The following ROBO1 variants were observed in gnomAD, a reference collection of about 807,000 sequenced individuals.
ROBO1 encodes the protein roundabout guidance receptor 1.
Under a neutral mutation model 195.9 loss-of-function variants are expected in ROBO1, and 149 were observed. The observed-to-expected ratio is 0.76, with a 90% CI of 0.67 to 0.87. ROBO1 has a LOEUF of 0.87. ROBO1 is among the 40% of genes least tolerant of loss of function. The pLI is 0.00. For missense variants in ROBO1, 1,933 were observed against 2,068.3 expected, an observed-to-expected ratio of 0.93 and a Z score of 1.27; for synonymous variants, 816 against 733.2, an observed-to-expected ratio of 1.11 and a Z score of -1.82.
Position 79,062,092 on chromosome 3 carries a change from A to G in ROBO1, c.172+63364T>C, listed in dbSNP as rs141176437. ...TACAGGATGGGAAAAAATTTTTGCA[A>G]TCTACCCATCTCACAAAGGGCTAAT... On this transcript the variant is annotated intron_variant, in intron 3 of 30. Coordinates refer to ENST00000464233, the MANE Select transcript of ROBO1 (RefSeq NM_002941.4). Among the ~76,000 whole-genome samples, 1,233 of 152,238 alleles carry G rather than the reference A, an allele frequency of 8.1e-3. 8 individuals are homozygous for G. Among genetic ancestry groups the G allele is most frequent in the Middle Eastern group, 0.024 (7 of 294 alleles).
chr3:78,738,025 G>T (rs2082432685), intron 5 of ROBO1, among the ~76,000 whole-genome samples: 1 of 152,090 alleles, frequency 6.6e-6, no homozygotes, highest in Admixed American at 6.6e-5. Flanking sequence ...GGGGAGAGGA[G>T]GGGAAGAGGA....
intron 3 of ROBO1, among the ~76,000 whole-genome samples, chr3:78,948,257 A>T (rs1158555743): frequency 6.6e-6 from 1 of 152,196 alleles, no homozygotes; most frequent in Non-Finnish European, 1.5e-5. Flanking sequence ...TTGATGCAAA[A>T]ATCCTCAATA....
At chr3:79,202,671 GCATGGCC>G (rs2108782253) in intron 2 of ROBO1, among the ~76,000 whole-genome samples, 1 of 150,964 alleles carries the variant, frequency 6.6e-6, no homozygotes, top group East Asian at 2.0e-4. Context: ...ACAGGTACCA[GCATGGCC>G]CATATGCTTT....
chr3:78,812,444 T>C (rs144548633), intron 4 of ROBO1, among the ~76,000 whole-genome samples: 2 of 152,248 alleles, frequency 1.3e-5, no homozygotes, highest in East Asian at 3.9e-4. Flanking sequence ...TTTTGGATAA[T>C]GGATACCTAC....
At chr3:78,909,524 A>G (rs1056955692) in intron 4 of ROBO1, among the ~76,000 whole-genome samples, 9 of 151,848 alleles carry the variant, frequency 5.9e-5, no homozygotes, top group African/African-American at 1.9e-4. Flanking sequence ...TTTCAAGCAT[A>G]ACAAGCATCT....
At chr3:79,230,608 AT>A (rs2082300982) in intron 2 of ROBO1, among the ~76,000 whole-genome samples, 1 of 152,188 alleles carries the variant, frequency 6.6e-6, no homozygotes, top group Admixed American at 6.6e-5. Context: ...AAAATCAAAG[AT>A]GACACAAATG....
chr3:78,920,002 T>G (rs1277134188), intron 4 of ROBO1, among the ~76,000 whole-genome samples: 1 of 152,238 alleles, frequency 6.6e-6, no homozygotes, highest in Non-Finnish European at 1.5e-5. Flanking sequence ...GAATTAAATG[T>G]AAAACAATCC....
At chr3:79,163,252 A>T (rs1014975067) in intron 2 of ROBO1, among the ~76,000 whole-genome samples, 1 of 151,954 alleles carries the variant, frequency 6.6e-6, no homozygotes, top group Non-Finnish European at 1.5e-5. Flanking sequence ...CTACCTACCT[A>T]TCTCATGTAA....
chr3:79,027,523 A>G (rs1217743777), intron 3 of ROBO1, among the ~76,000 whole-genome samples: 1 of 152,060 alleles, frequency 6.6e-6, no homozygotes, highest in African/African-American at 2.4e-5. Context: ...CTAAATACGG[A>G]AGGGCTCAGT....
chr3:79,736,454 G>T (rs1015760309), intron 1 of ROBO1, among the ~76,000 whole-genome samples: 5 of 152,140 alleles, frequency 3.3e-5, no homozygotes, highest in Admixed American at 1.3e-4. Context: ...TCTATGAGGA[G>T]AATTGACTAT....
At chr3:79,441,873 C>T (rs1370490502) in intron 2 of ROBO1, among the ~76,000 whole-genome samples, 2 of 152,134 alleles carry the variant, frequency 1.3e-5, no homozygotes, top group South Asian at 2.1e-4. Flanking sequence ...ACCTTATAAC[C>T]ACAACATAAA....
At chr3:78,912,932 AT>A (rs2038333645) in intron 4 of ROBO1, among the ~76,000 whole-genome samples, 1 of 152,056 alleles carries the variant, frequency 6.6e-6, no homozygotes, top group African/African-American at 2.4e-5. Flanking sequence ...TGAACGTCCA[AT>A]TTTCTCCTCC....
chr3:79,378,914 T>C (rs1184498468), intron 2 of ROBO1, among the ~76,000 whole-genome samples: 1 of 152,228 alleles, frequency 6.6e-6, no homozygotes, highest in Non-Finnish European at 1.5e-5. Flanking sequence ...CAAATCGCCC[T>C]GGAGCTTCAC....
At chr3:78,902,325 T>A (rs961570865) in intron 4 of ROBO1, among the ~76,000 whole-genome samples, 3 of 152,174 alleles carry the variant, frequency 2.0e-5, no homozygotes, top group Non-Finnish European at 4.4e-5. Flanking sequence ...CAAAGGATTC[T>A]CTTATCATAT....
chr3:79,681,546 T>C (rs1487676811), intron 1 of ROBO1, among the ~76,000 whole-genome samples: 1 of 151,996 alleles, frequency 6.6e-6, no homozygotes, highest in Non-Finnish European at 1.5e-5. Flanking sequence ...GTGAAAAATA[T>C]GAATATGAAA....
At chr3:79,287,401 C>A (rs1439231305) in intron 2 of ROBO1, among the ~76,000 whole-genome samples, 1 of 152,126 alleles carries the variant, frequency 6.6e-6, no homozygotes, top group East Asian at 1.9e-4. Context: ...CAGACATATG[C>A]AAACCCCATA....
chr3:79,628,305 A>T (rs1412381942), intron 1 of ROBO1, among the ~76,000 whole-genome samples: 2 of 152,196 alleles, frequency 1.3e-5, no homozygotes, highest in Non-Finnish European at 2.9e-5. Context: ...ATGCTGCCAT[A>T]AAAAGGAATG....
chr3:79,553,687 A>C (rs1372670864), intron 2 of ROBO1, among the ~76,000 whole-genome samples: 2 of 152,244 alleles, frequency 1.3e-5, no homozygotes, highest in East Asian at 3.9e-4. Flanking sequence ...TAAATCCAAC[A>C]GTTACTAAAT....
intron 4 of ROBO1, among the ~76,000 whole-genome samples, chr3:78,848,889 A>T (rs1424178407): frequency 6.6e-6 from 1 of 152,126 alleles, no homozygotes; most frequent in Non-Finnish European, 1.5e-5. Context: ...AGCTAACTTA[A>T]GTGGTTATCG....
Sources: allele counts gnomAD v4.1 joint callset (sites outside exome capture counted in the v4.1 genomes callset), GRCh38; gene constraint gnomAD v4.1.1; transcripts MANE v1.5; gene names NCBI Gene and HGNC (gene_info 2026-07-23, HGNC 2026-07-21).